Variants in ZNF705G observed in about 807,000 individuals in gnomAD.
ZNF705G encodes the protein putative zinc finger protein 705G.
A neutral mutation model predicts 19.6 loss-of-function variants in ZNF705G; 23 were observed. That is an observed-to-expected ratio of 1.17 (90% CI 0.84 to 1.66). The LOEUF (loss-of-function observed/expected upper bound fraction) is 1.66. Ranked by LOEUF, ZNF705G falls within the 40% of genes most tolerant of loss-of-function variation. The probability of loss-of-function intolerance (pLI) is 0.00; values close to 1 mark genes in which losing one functional copy is unlikely to be tolerated. For missense variants in ZNF705G, 457 were observed against 354.4 expected (o/e 1.29, Z -2.32); for synonymous variants, 146 against 117.7 (o/e 1.24, Z -1.56).
At chr8:7,367,398 C>G (rs1427281257) in intron 2 of ZNF705G, among the ~76,000 whole-genome samples, 2 of 149,244 alleles carry the variant, frequency 1.3e-5, no homozygotes, top group Non-Finnish European at 2.9e-5. Flanking sequence ...AATGCAGACC[C>G]CAGGAAGAAG....
rs1806756395 is a variant in ZNF705G at position 7,364,353 on chromosome 8, A to G, written c.-71-1336T>C. Among the ~76,000 whole-genome samples, 2 of 149,722 alleles carry G rather than the reference A, an allele frequency of 1.3e-5. 1 individual carries two copies. The highest frequency in any genetic ancestry group is 1.3e-4 in the Admixed American group (2 of 15,232). ...AAAAAATTTACTGACCCATTTGTACATGAAGTCCAGGAAAAATAAAAAGAG... is the reference window on the plus strand; with the variant it reads ...AAAAAATTTACTGACCCATTTGTACGTGAAGTCCAGGAAAAATAAAAAGAG... On this transcript the variant is annotated intron_variant, in intron 2 of 6. Transcript: ENST00000400156.
chr8:7,368,960 T>A (rs1401008481), intron 2 of ZNF705G, among the ~76,000 whole-genome samples: 1 of 149,386 alleles, frequency 6.7e-6, no homozygotes, highest in Non-Finnish European at 1.5e-5. Flanking sequence ...ACTGGGCAAT[T>A]TACAAAAGAA....
intron 2 of ZNF705G, among the ~76,000 whole-genome samples, 151 bp from the exon 3 acceptor site, chr8:7,363,168 T>C (rs1224150745): frequency 6.7e-6 from 1 of 149,464 alleles, no homozygotes; most frequent in Non-Finnish European, 1.5e-5. Flanking sequence ...CTCTCCTCTT[T>C]TCCCGTGGTC....
At chr8:7,361,087 T>C (rs1341951599) in intron 4 of ZNF705G, 23 bp downstream of exon 4, 3 of 1,592,890 alleles carry the variant, frequency 1.9e-6, no homozygotes, top group Non-Finnish European at 2.5e-6. Context: ...TCTACATATG[T>C]ACATGAATGT....
chr8:7,375,460 G>A (rs1285931165), intron 2 of ZNF705G, among the ~76,000 whole-genome samples: 1 of 89,386 alleles, frequency 1.1e-5, no homozygotes, highest in Non-Finnish European at 2.2e-5. Flanking sequence ...CCATACCTTT[G>A]CTACTGTGAA....
chr8:7,358,336 A>G lies in ZNF705G; in HGVS notation c.543T>C (p.Tyr181=), dbSNP rs1806386499. The G allele has an allele frequency of 6.2e-7, 1 of 1,607,684 alleles. No individual in the cohort carries two copies. Among genetic ancestry groups the G allele is most frequent in the South Asian group, 1.1e-5 (1 of 90,728 alleles). ...SYQCNLCEKA[Y]TNCFHLRRHK... ...GCCGTCTAAGGTGAAAGCAATTAGT[A>G]TAGGCCTTTTCACATAGATTACACT... The change falls in exon 7 of 7, where the codon TAT becomes TAC. Residue 181 remains tyrosine (Y), a synonymous_variant. Coordinates refer to ENST00000400156, the MANE Select transcript of ZNF705G (RefSeq NM_001164457.3).
intron 2 of ZNF705G, among the ~76,000 whole-genome samples, chr8:7,378,872 G>A (rs1431756311): frequency 1.4e-5 from 2 of 146,962 alleles, no homozygotes; most frequent in Admixed American, 6.6e-5. Context: ...ATTCCCCTTT[G>A]CTTACACGGT....
intron 5 of ZNF705G, among the ~76,000 whole-genome samples, 171 bp from the exon 6 acceptor site, chr8:7,359,872 G>A (rs1453479565): frequency 2.0e-5 from 3 of 149,590 alleles, no homozygotes; most frequent in African/African-American, 5.1e-5. Flanking sequence ...TCAGCAATTA[G>A]AAAATATTTT....
chr8:7,380,351 C>T (rs1195899326), intron 2 of ZNF705G, among the ~76,000 whole-genome samples: 3 of 147,516 alleles, frequency 2.0e-5, no homozygotes, highest in African/African-American at 8.1e-5. Flanking sequence ...ACACTGCTGT[C>T]TGTCATTGGC....
intron 2 of ZNF705G, among the ~76,000 whole-genome samples, chr8:7,363,227 A>G (rs574347833): frequency 3.4e-5 from 5 of 148,582 alleles, no homozygotes; most frequent in Admixed American, 6.6e-5. Flanking sequence ...AGGAACACAG[A>G]TATCTTGTGA....
intron 2 of ZNF705G, among the ~76,000 whole-genome samples, chr8:7,368,325 T>A (rs1395356017): frequency 6.7e-6 from 1 of 149,414 alleles, no homozygotes; most frequent in East Asian, 1.9e-4. Flanking sequence ...CATAAGTACT[T>A]TTGAGTGTAT....
At chr8:7,358,903 T>A (rs1437981699) in intron 6 of ZNF705G, among the ~76,000 whole-genome samples, 1 of 149,410 alleles carries the variant, frequency 6.7e-6, no homozygotes, top group Non-Finnish European at 1.5e-5. Flanking sequence ...ACTGATAACT[T>A]TTCTTTACAA....
In ZNF705G at chr8:7,367,105, G is replaced by A. The variant is rs200874526; in HGVS notation, c.-71-4088C>T. ...CAAAAATGGAAAAGGCACACAAATA[G>A]TGAACACAGAATATGAGAATGTGAA... is the stretch of plus-strand genomic sequence containing the variant. On this transcript the variant is annotated intron_variant, in intron 2 of 6. Transcript: ENST00000400156. Among the ~76,000 whole-genome samples, 11 of 149,584 alleles carry A rather than the reference G, an allele frequency of 7.4e-5. 1 individual carries two copies. Among genetic ancestry groups the A allele is most frequent in the African/African-American group, 2.6e-4 (10 of 38,966 alleles).
rs775908859 is a variant in ZNF705G, at chr8:7,359,630, T to A, written c.307A>T (p.Ser103Cys). 1.2e-6 allele frequency: 2 copies of A among 1,606,838 alleles called. No individual in the cohort carries two copies. Among genetic ancestry groups the A allele is most frequent in the South Asian group, 1.1e-5 (1 of 90,658 alleles). The change falls in exon 6 of 7, where the codon AGT (serine) becomes TGT (cysteine). Residue 103 changes from serine to cysteine, a missense_variant. Transcript: ENST00000400156. ...GCTATAAAACTTACCATTGTCATAC[T>A]GGTGGATGCGTCTTTTCTGGTGATA... The part of the protein sequence containing the change: ...HPITRKDAST[S>C]MTMENSLILE...
chr8:7,378,779 A>C (rs577210296), intron 2 of ZNF705G, among the ~76,000 whole-genome samples: 1 of 145,446 alleles, frequency 6.9e-6, no homozygotes, highest in African/African-American at 2.8e-5. Context: ...TCATGATTAC[A>C]TTGGGCCCAC....
At position 7,361,211 on chromosome 8, in the gene ZNF705G, G is replaced by C; in HGVS notation, c.38C>G (p.Ala13Gly). ...CCACTCTTCCTGGGTGAAGTCAATA[G>C]CTACATCTTCAAAAGTCAGTTTCTT... ...SLKKLTFEDV[A>G]IDFTQEEWAM... The change falls in exon 4 of 7, where the codon GCT becomes GGT. Residue 13 changes from alanine to glycine, a missense_variant. Coordinates refer to ENST00000400156, the MANE Select transcript of ZNF705G (RefSeq NM_001164457.3). The C allele has an allele frequency of 6.3e-7, 1 of 1,592,714 alleles. No homozygotes were observed. The highest frequency in any genetic ancestry group is 8.5e-7 in the Non-Finnish European group (1 of 1,179,406).
At chr8:7,379,892 A>G (rs1420862200) in intron 2 of ZNF705G, among the ~76,000 whole-genome samples, 1 of 145,332 alleles carries the variant, frequency 6.9e-6, no homozygotes, top group African/African-American at 2.8e-5. Context: ...AGCCCCCAAA[A>G]GACTACATCC....
chr8:7,359,141 C>T (rs1314154303), intron 6 of ZNF705G, among the ~76,000 whole-genome samples: 1 of 149,444 alleles, frequency 6.7e-6, no homozygotes, highest in East Asian at 1.9e-4. Context: ...TCTCAATATC[C>T]CACCCTTTCC....
intron 2 of ZNF705G, among the ~76,000 whole-genome samples, chr8:7,368,889 G>T (rs1327279853): frequency 6.7e-6 from 1 of 149,594 alleles, no homozygotes; most frequent in Non-Finnish European, 1.5e-5. Flanking sequence ...ATTTCCATGA[G>T]GTATTAAACC....
Sources: gnomAD v4.1 joint callset for allele counts (sites outside exome capture counted in the v4.1 genomes callset) on GRCh38, gnomAD v4.1.1 for gene constraint, MANE v1.5 for transcripts, NCBI Gene and HGNC (gene_info 2026-07-23, HGNC 2026-07-21) for gene names.